The following LETMD1 variants were observed in gnomAD, a reference collection of about 807,000 sequenced individuals.
LETMD1 encodes the protein LETM1 domain-containing protein 1.
In LETMD1, 30 loss-of-function variants were observed where a neutral mutation model predicts 43.9. The ratio of observed to expected loss-of-function variants is 0.68; its 90% confidence interval spans 0.51 to 0.93. The LOEUF (loss-of-function observed/expected upper bound fraction) is 0.93, where lower values mean the gene tolerates loss of function less well. LETMD1 is among the 40% of genes least tolerant of loss of function. The pLI, the probability that LETMD1 is intolerant of heterozygous loss-of-function variation, is 0.00. For synonymous variants in LETMD1, 176 were observed against 163.1 expected (o/e 1.08, Z -0.60); for missense variants, 413 against 447.7 (o/e 0.92, Z 0.70).
chr12:51,064,215 C>A (rs1366197778), downstream of LETMD1: 2 of 1,613,700 alleles, frequency 1.2e-6, no homozygotes, highest in Non-Finnish European at 1.7e-6. Flanking sequence ...GACAGAGGAG[C>A]CTGGGGGCAG....
At chr12:51,054,561 A>G (rs1029564739) in intron 4 of LETMD1, among the ~76,000 whole-genome samples, 1 of 152,198 alleles carries the variant, frequency 6.6e-6, no homozygotes, top group Non-Finnish European at 1.5e-5. Context: ...GGCAGCCTCA[A>G]GATAGTGGGA....
downstream of LETMD1, among the ~76,000 whole-genome samples, chr12:51,065,222 C>T (rs1938033435): frequency 6.6e-6 from 1 of 152,168 alleles, no homozygotes; most frequent in Non-Finnish European, 1.5e-5. Flanking sequence ...AACGCAGGTT[C>T]ACACAGTGGC....
chr12:51,056,908 G>C, intron 7 of LETMD1: 1 of 171,348 alleles, frequency 5.8e-6, no homozygotes, highest in Non-Finnish European at 1.2e-5. Context: ...AACCCAAAGT[G>C]CCGAGACTAC....
chr12:51,067,545 TG>T, the LETMD1 span: 1 of 848,728 alleles, frequency 1.2e-6, no homozygotes, highest in Non-Finnish European at 1.8e-6. This position sits in a 1 kb window ranked among gnomAD's most constrained non-coding sequence, Gnocchi z 4.1. Context: ...AGGAGGGTTG[TG>T]GAACTGGAGA....
chr12:51,050,143 T>G (rs1401229843), intron 2 of LETMD1, among the ~76,000 whole-genome samples: 1 of 152,232 alleles, frequency 6.6e-6, no homozygotes, highest in Non-Finnish European at 1.5e-5. Context: ...TAAAATTGGC[T>G]GCTTTTTCTG....
intron 3 of LETMD1, among the ~76,000 whole-genome samples, chr12:51,052,851 A>G (rs1000087982): frequency 1.3e-5 from 2 of 151,888 alleles, no homozygotes; most frequent in African/African-American, 2.4e-5. Context: ...CTCGCCTATA[A>G]TCTCAGCATT....
At chr12:51,050,839 C>T (rs1479391178) in intron 2 of LETMD1, among the ~76,000 whole-genome samples, 1 of 150,716 alleles carries the variant, frequency 6.6e-6, no homozygotes, top group Non-Finnish European at 1.5e-5. Flanking sequence ...CATAGAGAAG[C>T]ACCGTCTCTA....
At chr12:51,057,992 C>A in intron 7 of LETMD1, 40 bp from the exon 8 acceptor site, 1 of 1,191,340 alleles carries the variant, frequency 8.4e-7, no homozygotes, top group Non-Finnish European at 1.3e-6. Flanking sequence ...CATAATCATT[C>A]TATGATTATT....
chr12:51,066,149 GTC>G, the LETMD1 span, among the ~76,000 whole-genome samples: 20 of 151,940 alleles, frequency 1.3e-4, no homozygotes, highest in African/African-American at 4.8e-4. Context: ...ATGAAACCCT[GTC>G]TCTACTAAAA....
In LETMD1 at chr12:51,049,135, T is replaced by C. The variant is rs1188227342; in HGVS notation, c.224T>C (p.Leu75Ser). The stretch of plus-strand genomic sequence containing the variant: ...ATTAATGGGAAATACCATCGTTTCT[T>C]GGGTCGTCATTTCCCCCGCTTCTAT... ...KAINGKYHRF[L>S]GRHFPRFYVL... The change falls in exon 2 of 9, where the codon TTG becomes TCG. Residue 75 changes from leucine to serine, a missense_variant. By Grantham distance (145) the Leu-to-Ser change is moderately radical. Coordinates refer to ENST00000262055, the MANE Select transcript of LETMD1 (RefSeq NM_015416.5). 6.2e-7 allele frequency: 1 copy of C among 1,614,052 alleles called. No individual in the cohort carries two copies. Among genetic ancestry groups the C allele is most frequent in the East Asian group, 2.2e-5 (1 of 44,884 alleles).
Position 51,059,541 on chromosome 12 carries a change from A to T in LETMD1, c.*110A>T. 1 of 946,566 alleles carries T rather than the reference A, an allele frequency of 1.1e-6. No homozygotes were observed. The highest frequency in any genetic ancestry group is 1.6e-5 in the African/African-American group (1 of 62,202). The allele number at this position is 946,566 out of a possible 1,614,324, so 58.6% of individuals were successfully genotyped here. ...GTGTACTGTTAAGTGTGTGGGAGGC[A>T]GAGAGAGGAGCAGGGGCCATGGGCT... On this transcript the variant is annotated 3_prime_UTR_variant, in exon 9 of 9. Transcript: ENST00000262055.
downstream of LETMD1, chr12:51,063,810 G>A: frequency 6.2e-7 from 1 of 1,609,744 alleles, no homozygotes; most frequent in Non-Finnish European, 8.5e-7. Context: ...CTGCTGGGAG[G>A]TCTTCACCAT....
downstream of LETMD1, among the ~76,000 whole-genome samples, chr12:51,064,879 T>C (rs1322940695): frequency 6.6e-6 from 1 of 152,168 alleles, no homozygotes; most frequent in Non-Finnish European, 1.5e-5. Flanking sequence ...AGCTCAGCCA[T>C]TAATTAGTGG....
At position 51,055,958 on chromosome 12, in the gene LETMD1, A is replaced by G; in HGVS notation, c.597A>G (p.Glu199=). The change falls in exon 5 of 9, where the codon GAA becomes GAG. Residue 199 remains glutamate (E), a synonymous_variant. Coordinates refer to ENST00000262055, the MANE Select transcript of LETMD1 (RefSeq NM_015416.5). ...QSHPEIISYL[E]KVIPLISDAG... ...ACCCAGAAATTATTAGTTATTTAGA[A>G]AAGGTCATCCCTCTCATTTCTGATG... 1 of 1,614,130 alleles carries G rather than the reference A, an allele frequency of 6.2e-7. No homozygotes were observed. Among genetic ancestry groups the G allele is most frequent in the Non-Finnish European group, 8.5e-7 (1 of 1,180,002 alleles).
intron 2 of LETMD1, among the ~76,000 whole-genome samples, chr12:51,051,265 G>A (rs1946040220): frequency 6.6e-6 from 1 of 150,990 alleles, no homozygotes; most frequent in African/African-American, 2.4e-5. Context: ...TTAGCCAGGT[G>A]TGGTGATGGG....
At chr12:51,067,949 C>T in the LETMD1 span, 3 of 1,613,990 alleles carry the variant, frequency 1.9e-6, no homozygotes, top group South Asian at 1.1e-5. The surrounding 1 kb of genome is among the most constrained non-coding windows in gnomAD (Gnocchi z 4.1). Context: ...CCACCGACTC[C>T]ACTGTCCCAT....
Position 51,059,528 on chromosome 12 carries a change from G to T in LETMD1, c.*97G>T. On this transcript the variant is annotated 3_prime_UTR_variant, in exon 9 of 9. Transcript: ENST00000262055. The stretch of plus-strand genomic sequence containing the variant: ...CAGCAAAGTCTGTGTGTACTGTTAA[G>T]TGTGTGGGAGGCAGAGAGAGGAGCA... The T allele has an allele frequency of 9.3e-7, 1 of 1,073,454 alleles. No homozygotes were observed. Among genetic ancestry groups the T allele is most frequent in the Non-Finnish European group, 1.4e-6 (1 of 696,012 alleles). 66.5% of individuals were successfully genotyped at this position (1,073,454 alleles called of 1,614,324 possible).
downstream of LETMD1, among the ~76,000 whole-genome samples, chr12:51,060,773 G>A (rs1948789323): frequency 6.6e-6 from 1 of 151,906 alleles, no homozygotes; most frequent in Admixed American, 6.6e-5. Flanking sequence ...GTGGTGGTGG[G>A]CGCCTGTAGT....
At chr12:51,065,309 C>T (rs941543660), downstream of LETMD1, among the ~76,000 whole-genome samples, 4 of 152,186 alleles carry the variant, frequency 2.6e-5, no homozygotes, top group African/African-American at 9.7e-5. Context: ...AGATAATTAA[C>T]TTACAGACCA....
Sources: gnomAD v4.1 joint callset for allele counts (sites outside exome capture counted in the v4.1 genomes callset) on GRCh38, gnomAD v4.1.1 for gene constraint, Gnocchi (gnomAD v3.1) non-coding constraint, MANE v1.5 for transcripts, NCBI Gene and HGNC (gene_info 2026-07-23, HGNC 2026-07-21) for gene names.